Variants in ACVR1 observed in about 807,000 individuals in gnomAD.
ACVR1 encodes activin receptor type-1.
In ACVR1, 38 loss-of-function variants were observed where a neutral mutation model predicts 57.1. The ratio of observed to expected loss-of-function variants is 0.67; its 90% CI spans 0.51 to 0.87. ACVR1 has a LOEUF of 0.87. Ranked by LOEUF, ACVR1 falls within the 40% of genes least tolerant of loss-of-function variation. The pLI is 0.00. For missense variants in ACVR1, 463 were observed against 638.2 expected, an observed-to-expected ratio of 0.73 and a Z score of 2.96; for synonymous variants, 212 against 228.1, an observed-to-expected ratio of 0.93 and a Z score of 0.63.
At chr2:157,864,487 T>C (rs1689845176) in intron 1 of ACVR1, among the ~76,000 whole-genome samples, 1 of 152,212 alleles carries the variant, frequency 6.6e-6, no homozygotes. Flanking sequence ...GTGCTGTGAT[T>C]ACAGGTGTGA....
chr2:157,766,266 G>A, intron 7 of ACVR1, 70 bp from the exon 8 acceptor site: 1 of 1,492,428 alleles, frequency 6.7e-7, no homozygotes, highest in South Asian at 1.1e-5. Context: ...TTTAGAAATA[G>A]CGACCTACAC....
intron 1 of ACVR1, among the ~76,000 whole-genome samples, chr2:157,831,698 T>C (rs944123453): frequency 1.3e-5 from 2 of 152,128 alleles, no homozygotes; most frequent in African/African-American, 2.4e-5. Context: ...CACTGCAGGG[T>C]TGGGCCAGGA....
At chr2:157,743,486 C>T (rs919295760) in intron 9 of ACVR1, among the ~76,000 whole-genome samples, 1 of 152,038 alleles carries the variant, frequency 6.6e-6, no homozygotes, top group African/African-American at 2.4e-5. Flanking sequence ...TAGTGTATTA[C>T]AGACACTAGA....
chr2:157,848,038 A>G (rs1389743472), intron 1 of ACVR1, among the ~76,000 whole-genome samples: 3 of 152,244 alleles, frequency 2.0e-5, no homozygotes, highest in Non-Finnish European at 2.9e-5. Flanking sequence ...CCTAGGGGAC[A>G]TAACAACTCA....
Position 157,737,609 on chromosome 2 carries a change from T to TG in ACVR1, c.1451dup (p.Arg485LysfsTer15). Reference sequence around the variant, plus strand: ...TTTTGATACGCAGTGCTGTGAGTCTTGCGGATGGATTTTGATACCAGCATT... The same window carrying TG: ...TTTTGATACGCAGTGCTGTGAGTCTTGGCGGATGGATTTTGATACCAGCATT... On this transcript the variant is annotated frameshift_variant, in exon 11 of 11. Transcript: ENST00000434821. LOFTEE classifies it high-confidence loss of function. 6.2e-7 allele frequency: 1 copy of TG among 1,614,136 alleles called. No individual in the cohort carries two copies. The highest frequency in any genetic ancestry group is 8.5e-7 in the Non-Finnish European group (1 of 1,179,984).
intron 3 of ACVR1, among the ~76,000 whole-genome samples, chr2:157,791,945 T>C (rs1489782019): frequency 6.6e-6 from 1 of 152,182 alleles, no homozygotes. Flanking sequence ...AACTGGACTG[T>C]TGGTAATTTT....
chr2:157,834,295 G>A (rs1193217299), intron 1 of ACVR1, among the ~76,000 whole-genome samples: 1 of 151,970 alleles, frequency 6.6e-6, no homozygotes, highest in South Asian at 2.1e-4. Flanking sequence ...GTTTCACCGT[G>A]TTAGCCAGGA....
chr2:157,766,504 C>T (rs1289977768), intron 7 of ACVR1, among the ~76,000 whole-genome samples: 1 of 152,076 alleles, frequency 6.6e-6, no homozygotes, highest in African/African-American at 2.4e-5. Flanking sequence ...ATGATAGTGC[C>T]AAGCCCTTCA....
chr2:157,781,157 T>G (rs1445344410), intron 3 of ACVR1, among the ~76,000 whole-genome samples: 1 of 152,148 alleles, frequency 6.6e-6, no homozygotes, highest in East Asian at 1.9e-4. Context: ...ACTCGAAATG[T>G]TTGAGACCAG....
intron 2 of ACVR1, among the ~76,000 whole-genome samples, chr2:157,809,123 C>A (rs147853254): frequency 6.6e-6 from 1 of 152,164 alleles, no homozygotes; most frequent in Admixed American, 6.5e-5. Context: ...ATCATTAAAC[C>A]TTTCATAGTT....
intron 9 of ACVR1, among the ~76,000 whole-genome samples, chr2:157,750,930 G>A (rs1478975863): frequency 6.6e-6 from 1 of 151,960 alleles, no homozygotes; most frequent in African/African-American, 2.4e-5. Context: ...TTGGGGAAAA[G>A]ATGGCAGATA....
intron 9 of ACVR1, among the ~76,000 whole-genome samples, chr2:157,751,865 C>T (rs1685204941): frequency 6.6e-6 from 1 of 152,144 alleles, no homozygotes; most frequent in Non-Finnish European, 1.5e-5. Context: ...TCTTTCTCTA[C>T]TCATCCTGGT....
intron 3 of ACVR1, among the ~76,000 whole-genome samples, chr2:157,781,887 A>C (rs1686537338): frequency 6.6e-6 from 1 of 152,216 alleles, no homozygotes; most frequent in Non-Finnish European, 1.5e-5. Flanking sequence ...AGCTGAGGCC[A>C]CTTTTGCCGA....
At position 157,761,124 on chromosome 2, in the gene ACVR1, T is replaced by C. The variant is rs776673861; in HGVS notation, c.1067-47A>G. 12 of 1,597,836 alleles carry C rather than the reference T, an allele frequency of 7.5e-6. No individual in the cohort carries two copies. In the African/African-American group the frequency reaches 1.3e-4, roughly 18 times the overall value. ...TGTAATCAACCCACTTCCTTTCTCA[T>C]AAGAGGCTGCTGAAGGATTTTAAAC... On this transcript the variant is annotated intron_variant, in intron 8 of 10. Coordinates refer to ENST00000434821, the MANE Select transcript of ACVR1 (RefSeq NM_001111067.4).
intron 3 of ACVR1, among the ~76,000 whole-genome samples, chr2:157,785,195 C>T (rs1363819483): frequency 6.6e-6 from 1 of 152,168 alleles, no homozygotes; most frequent in African/African-American, 2.4e-5. Context: ...TACAAGTTCA[C>T]CTCAAAGTAG....
At chr2:157,770,343 A>C in intron 7 of ACVR1, 25 bp downstream of exon 7, 1 of 1,613,452 alleles carries the variant, frequency 6.2e-7, no homozygotes, top group Non-Finnish European at 8.5e-7. Flanking sequence ...GATACAATTA[A>C]TGAGGGGGTT....
intron 9 of ACVR1, among the ~76,000 whole-genome samples, chr2:157,757,832 T>A: frequency 6.8e-6 from 1 of 148,118 alleles, no homozygotes; most frequent in African/African-American, 2.5e-5. Context: ...GACACAAAAA[T>A]GAGAAGGAGA....
chr2:157,806,838 G>C (rs1687566513), intron 2 of ACVR1: 1 of 152,208 alleles, frequency 6.6e-6, no homozygotes, highest in Admixed American at 6.5e-5. Context: ...AATTGCCAAG[G>C]CTTGGTTTTA....
At chr2:157,850,914 G>A (rs557996795) in intron 1 of ACVR1, among the ~76,000 whole-genome samples, 3 of 152,188 alleles carry the variant, frequency 2.0e-5, no homozygotes, top group East Asian at 1.9e-4. Flanking sequence ...TCGAGATCGC[G>A]CCACTGCACT....
Sources: gnomAD v4.1 joint callset for allele counts (sites outside exome capture counted in the v4.1 genomes callset) on GRCh38, gnomAD v4.1.1 for gene constraint, MANE v1.5 for transcripts, NCBI Gene and HGNC (gene_info 2026-07-23, HGNC 2026-07-21) for gene names.